Variants in UTRN observed in about 807,000 individuals in gnomAD.
UTRN encodes utrophin, also known as dystrophin-related protein 1.
UTRN carries 283 observed loss-of-function variants against 463.9 expected under a neutral mutation model. The ratio of observed to expected loss-of-function variants is 0.61; its 90% CI spans 0.55 to 0.67. The LOEUF is 0.67. UTRN is among the 30% of genes least tolerant of loss of function. The probability of loss-of-function intolerance (pLI) is 0.00; values close to 1 mark genes in which losing one functional copy is unlikely to be tolerated. For missense variants in UTRN, 3,922 were observed against 4,084.3 expected, an observed-to-expected ratio of 0.96 and a Z score of 1.08; for synonymous variants, 1,442 against 1,431.5, an observed-to-expected ratio of 1.01 and a Z score of -0.17.
rs375428730 is a variant in UTRN, at chr6:144,835,849, G to A, written c.9735G>A (p.Pro3245=). 27 of 1,614,002 alleles carry A rather than the reference G, an allele frequency of 1.7e-5. No individual in the cohort carries two copies. Among genetic ancestry groups the A allele is most frequent in the African/African-American group, 1.1e-4 (8 of 74,918 alleles). The change falls in exon 70 of 75, where the codon CCG becomes CCA. Residue 3245 remains proline, a synonymous_variant. Transcript: ENST00000367545. ...GAGGAGAGTCCCCAGTGAGCCAGCCGCAGAGCCCAGCTCAGATCCTGAAGT... is the reference window on the plus strand; with the variant it reads ...GAGGAGAGTCCCCAGTGAGCCAGCCACAGAGCCCAGCTCAGATCCTGAAGT... ...TLGGESPVSQ[P]QSPAQILKSV...
In UTRN at chr6:144,533,187, T is replaced by C; in HGVS notation, c.6160T>C (p.Leu2054=). The change falls in exon 43 of 75, where the codon TTG becomes CTG. Residue 2054 remains leucine (L), a synonymous_variant. Coordinates refer to ENST00000367545, the MANE Select transcript of UTRN (RefSeq NM_007124.3). The part of the protein sequence containing the change: ...QKLSQADGSF[L]KEKLAGLNQR... ...ACTCTCCCAGGCAGATGGAAGCTTC[T>C]TGAAAGAAAAACTGGCAGGTTTAAA... is the stretch of plus-strand genomic sequence containing the variant. 1 of 1,614,148 alleles carries C rather than the reference T, an allele frequency of 6.2e-7. No homozygotes were observed. Among genetic ancestry groups the C allele is most frequent in the Non-Finnish European group, 8.5e-7 (1 of 1,179,994 alleles).
intron 30 of UTRN, 141 bp downstream of exon 30, chr6:144,488,975 GT>G: frequency 1.5e-6 from 1 of 684,706 alleles, no homozygotes. Context: ...CAGCATTTGG[GT>G]TTTGGAGTTC....
intron 39 of UTRN, among the ~76,000 whole-genome samples, chr6:144,521,587 TA>T (rs1585106242): frequency 6.6e-6 from 1 of 152,192 alleles, no homozygotes; most frequent in South Asian, 2.1e-4. Flanking sequence ...AAAATTGTGA[TA>T]TTTTTAAAAG....
At chr6:144,453,978 T>C in intron 19 of UTRN, 109 bp downstream of exon 19, 4 of 836,792 alleles carry the variant, frequency 4.8e-6, no homozygotes, top group Non-Finnish European at 7.2e-6. Flanking sequence ...CTCTTTTGGC[T>C]AGATAAATGG....
At position 144,819,914 on chromosome 6, in the gene UTRN, C is replaced by CCTG. The variant is rs1285997269; in HGVS notation, c.9358-968_9358-967insCTG. Among the ~76,000 whole-genome samples, 16 of 112,734 alleles carry CCTG rather than the reference C, an allele frequency of 1.4e-4. No individual in the cohort carries two copies. In the East Asian group the frequency reaches 1.5e-3, roughly 10 times the overall value. 74.0% of individuals were successfully genotyped at this position (112,734 alleles called of 152,430 possible). A position where few individuals can be genotyped will look rare whatever the true frequency, so the allele number is the denominator to read the frequency against. On this transcript the variant is annotated intron_variant, in intron 65 of 74. Transcript: ENST00000367545. ...TCCTCCTCCTCCTCCTCCTCCTCCT[C>CCTG]TCTCTCTCTCTCTCTCTCTTTCTGT...
intron 51 of UTRN, among the ~76,000 whole-genome samples, chr6:144,595,218 G>A (rs1306684342): frequency 1.3e-5 from 2 of 152,142 alleles, no homozygotes; most frequent in Non-Finnish European, 2.9e-5. Context: ...ATTTTAGAAA[G>A]CTGTTATAGG....
Position 144,751,786 on chromosome 6 carries a change from T to A in UTRN, c.8209-20T>A. 2.5e-6 allele frequency: 4 copies of A among 1,586,688 alleles called. No homozygotes were observed. In the South Asian group the frequency reaches 4.6e-5, roughly 18 times the overall value. ...GTTATATTCGTTTCCAATAATATATTTTTTGTTCTTTTCTTCTAGGCATTT... is the reference window on the plus strand; with the variant it reads ...GTTATATTCGTTTCCAATAATATATATTTTGTTCTTTTCTTCTAGGCATTT... On this transcript the variant is annotated intron_variant, in intron 55 of 74. Coordinates refer to ENST00000367545, the MANE Select transcript of UTRN (RefSeq NM_007124.3).
chr6:144,461,454 C>A, intron 22 of UTRN, 112 bp downstream of exon 22: 1 of 1,187,690 alleles, frequency 8.4e-7, no homozygotes, highest in Non-Finnish European at 1.1e-6. Context: ...TTTTGTTCAT[C>A]ATTGGTGCAA....
intron 33 of UTRN, among the ~76,000 whole-genome samples, chr6:144,498,275 A>C (rs1793847869): frequency 6.6e-6 from 1 of 152,218 alleles, no homozygotes; most frequent in Non-Finnish European, 1.5e-5. Flanking sequence ...TTTCATTTTC[A>C]TTATCCATAA....
chr6:144,821,115 T>A (rs1415298230), intron 66 of UTRN, 97 bp downstream of exon 66: 1 of 1,385,698 alleles, frequency 7.2e-7, no homozygotes, highest in African/African-American at 1.5e-5. Flanking sequence ...TAATACCAAC[T>A]GCATTTTAGA....
At chr6:144,528,707 G>A (rs1009931955) in intron 41 of UTRN, among the ~76,000 whole-genome samples, 5 of 152,240 alleles carry the variant, frequency 3.3e-5, no homozygotes, top group African/African-American at 1.2e-4. Flanking sequence ...GAAGTAACAG[G>A]GGAGTGAAGC....
At chr6:144,592,059 T>C (rs1304108745) in intron 51 of UTRN, among the ~76,000 whole-genome samples, 2 of 152,212 alleles carry the variant, frequency 1.3e-5, no homozygotes, top group African/African-American at 2.4e-5. Context: ...AGCTTTATTC[T>C]AGGATTTTAT....
At chr6:144,640,187 A>G (rs1441384651) in intron 51 of UTRN, among the ~76,000 whole-genome samples, 1 of 152,194 alleles carries the variant, frequency 6.6e-6, no homozygotes, top group Admixed American at 6.5e-5. Flanking sequence ...TATCGTGGAA[A>G]CATCTCCCCC....
At chr6:144,824,599 TA>T (rs1562954933) in intron 66 of UTRN, among the ~76,000 whole-genome samples, 2,870 of 58,750 alleles carry the variant, frequency 0.049, 194 homozygotes, top group East Asian at 0.25. Context: ...TATATATATA[TA>T]TATATATATA....
At position 144,533,152 on chromosome 6, in the gene UTRN, T is replaced by C; in HGVS notation, c.6125T>C (p.Ile2042Thr). The C allele has an allele frequency of 6.2e-7, 1 of 1,614,136 alleles. No homozygotes were observed. The highest frequency in any genetic ancestry group is 8.5e-7 in the Non-Finnish European group (1 of 1,180,004). ...FAALNRTGDG[I>T]VQKLSQADGS... The stretch of plus-strand genomic sequence containing the variant: ...GCACTAAACCGAACTGGGGATGGGA[T>C]TGTGCAGAAACTCTCCCAGGCAGAT... The change falls in exon 43 of 75, where the codon ATT becomes ACT. Residue 2042 changes from isoleucine to threonine, a missense_variant. Transcript: ENST00000367545.
At chr6:144,785,605 A>T (rs901458876) in intron 61 of UTRN, among the ~76,000 whole-genome samples, 1 of 135,794 alleles carries the variant, frequency 7.4e-6, no homozygotes, top group Non-Finnish European at 1.5e-5. Flanking sequence ...TGAACTTTGT[A>T]AAAAAAATTT....
chr6:144,337,211 C>A (rs1172047332), intron 2 of UTRN, among the ~76,000 whole-genome samples: 9 of 151,176 alleles, frequency 6.0e-5, no homozygotes, highest in African/African-American at 2.2e-4. Flanking sequence ...CACACACACA[C>A]ACACACACAT....
At chr6:144,705,011 A>G (rs966088511) in intron 53 of UTRN, among the ~76,000 whole-genome samples, 9 of 152,174 alleles carry the variant, frequency 5.9e-5, no homozygotes, top group African/African-American at 2.2e-4. Context: ...TTTTCTTTAT[A>G]GGTTGTGACA....
intron 58 of UTRN, among the ~76,000 whole-genome samples, chr6:144,759,762 G>A (rs1792439151): frequency 6.6e-6 from 1 of 152,026 alleles, no homozygotes; most frequent in Non-Finnish European, 1.5e-5. Context: ...CTAGAAGCTG[G>A]AAAAGGCAAA....
Sources: gnomAD v4.1 joint callset for allele counts (sites outside exome capture counted in the v4.1 genomes callset) on GRCh38, gnomAD v4.1.1 for gene constraint, MANE v1.5 for transcripts, NCBI Gene and HGNC (gene_info 2026-07-23, HGNC 2026-07-21) for gene names.